CYRIB: variants seen among roughly 807,000 people sequenced by gnomAD.
The protein encoded by CYRIB is CYFIP related Rac1 interactor B, also known as CYFIP-related Rac1 interactor B.
A neutral mutation model predicts 44.2 loss-of-function variants in CYRIB; 8 were observed. The ratio of observed to expected loss-of-function variants is 0.18; its 90% CI spans 0.11 to 0.33. The LOEUF (loss-of-function observed/expected upper bound fraction) is 0.33, where lower values mean the gene tolerates loss of function less well. Among genes scored for constraint, CYRIB ranks in the 10% least tolerant of loss-of-function variants. The pLI is 1.00. For missense variants in CYRIB, 185 were observed against 382.8 expected (o/e 0.48, Z 4.31); for synonymous variants, 131 against 127.2 (o/e 1.03, Z -0.20).
intron 2 of CYRIB, among the ~76,000 whole-genome samples, chr8:129,957,319 A>G (rs1340090302): frequency 6.6e-6 from 1 of 152,204 alleles, no homozygotes; most frequent in East Asian, 1.9e-4. Flanking sequence ...TGGTTAGAAG[A>G]AGGCCACTAA....
rs2074232197 is a variant in CYRIB at position 129,904,593 on chromosome 8, A to G, written c.-49-1243T>C. 1 of 152,230 alleles carries G rather than the reference A, an allele frequency of 6.6e-6. No homozygotes were observed. Among genetic ancestry groups the G allele is most frequent in the African/African-American group, 2.4e-5 (1 of 41,452 alleles). 9.4% of individuals were successfully genotyped at this position (152,230 alleles called of 1,614,324 possible). On this transcript the variant is annotated intron_variant, in intron 1 of 11. Coordinates refer to ENST00000519824, the Ensembl canonical transcript of CYRIB. ...GGTGTGCAAATGAATTACCTGTAAG[A>G]AAGCACCCATCTCAGTTTCTGCTTT... is the stretch of plus-strand genomic sequence containing the variant.
rs1266202996 is a variant in CYRIB, at chr8:129,925,472, T to C, written c.-50+14136A>G. 5.3e-5 allele frequency among the ~76,000 whole-genome samples: 8 copies of C among 152,200 alleles called. No homozygotes were observed. In the East Asian group the frequency reaches 1.5e-3, roughly 29 times the overall value. On this transcript the variant is annotated intron_variant, in intron 1 of 11. Transcript: ENST00000519824. Reference sequence around the variant, plus strand: ...ATGCTTTCAGGGGTTCCTTGAAAGTTGGGAGCTCTCACTCCAATTCCTGTA... The same window carrying C: ...ATGCTTTCAGGGGTTCCTTGAAAGTCGGGAGCTCTCACTCCAATTCCTGTA...
upstream of CYRIB, among the ~76,000 whole-genome samples, chr8:129,942,212 G>A (rs1460613327): frequency 2.0e-5 from 3 of 152,104 alleles, no homozygotes; most frequent in African/African-American, 2.4e-5. Flanking sequence ...GGTGGCAGGC[G>A]CCTGTAATCC....
intron 1 of CYRIB, among the ~76,000 whole-genome samples, chr8:129,913,199 C>T (rs893991531): frequency 5.9e-5 from 9 of 152,080 alleles, no homozygotes; most frequent in Non-Finnish European, 1.5e-5. Flanking sequence ...TCTTGAACTT[C>T]TGACCTCATG....
chr8:129,900,265 A>G (rs1258971432), intron 2 of CYRIB, among the ~76,000 whole-genome samples: 3 of 152,200 alleles, frequency 2.0e-5, no homozygotes, highest in Non-Finnish European at 4.4e-5. Context: ...TCTTTAAAAC[A>G]TGGCATCAGG....
intron 3 of CYRIB, among the ~76,000 whole-genome samples, chr8:129,876,193 C>T (rs2059069375): frequency 6.6e-6 from 1 of 151,872 alleles, no homozygotes; most frequent in South Asian, 2.1e-4. Context: ...ATGAGCTACA[C>T]GTTGAAAATA....
At chr8:129,943,109 T>G (rs1590763713), upstream of CYRIB, among the ~76,000 whole-genome samples, 1 of 65,210 alleles carries the variant, frequency 1.5e-5, no homozygotes, top group African/African-American at 1.4e-4. Flanking sequence ...CACTGTGTCC[T>G]AGGCATCAGG....
chr8:129,851,781 C>T (rs1228969527), intron 8 of CYRIB: 1 of 154,826 alleles, frequency 6.5e-6, no homozygotes, highest in Non-Finnish European at 1.4e-5. Context: ...GCACTCCAGC[C>T]TGGGCAACAA....
intron 10 of CYRIB, among the ~76,000 whole-genome samples, chr8:129,847,635 C>T (rs565662162): frequency 2.6e-5 from 4 of 152,232 alleles, no homozygotes; most frequent in Non-Finnish European, 5.9e-5. Flanking sequence ...ATGAGTTATA[C>T]GAAGTGTTAT....
chr8:129,872,793 T>C (rs2057801010), intron 3 of CYRIB, among the ~76,000 whole-genome samples: 1 of 152,070 alleles, frequency 6.6e-6, no homozygotes, highest in South Asian at 2.1e-4. Flanking sequence ...AAGAAGGTTT[T>C]TGGTAAATCT....
At chr8:129,924,291 CGG>C (rs796090081) in intron 1 of CYRIB, among the ~76,000 whole-genome samples, 231 of 1,410 alleles carry the variant, frequency 0.16, 34 homozygotes, top group African/African-American at 0.35. Flanking sequence ...AAAAAAAAAC[CGG>C]GGGGGGGGGG....
intron 2 of CYRIB, among the ~76,000 whole-genome samples, chr8:129,899,734 G>T (rs544586246): frequency 6.6e-6 from 1 of 152,282 alleles, no homozygotes; most frequent in East Asian, 1.9e-4. Flanking sequence ...AGAAACAAGG[G>T]TTATATAATA....
chr8:129,967,677 C>A (rs1305838485), intron 2 of CYRIB, among the ~76,000 whole-genome samples: 2 of 152,174 alleles, frequency 1.3e-5, no homozygotes, highest in African/African-American at 4.8e-5. Context: ...CCGTGCCCGG[C>A]TTTCTTTCCT....
intron 1 of CYRIB, chr8:130,004,737 G>C (rs913889994): frequency 6.6e-6 from 1 of 150,890 alleles, no homozygotes; most frequent in African/African-American, 2.4e-5. Flanking sequence ...CAACCTTCAG[G>C]AACAACTCGG....
intron 1 of CYRIB, among the ~76,000 whole-genome samples, chr8:129,977,256 T>C: frequency 6.6e-6 from 1 of 152,204 alleles, no homozygotes; most frequent in East Asian, 1.9e-4. Context: ...AACAGGTATG[T>C]GGGAAGCTGG....
At chr8:129,864,185 C>T (rs2051944427) in intron 4 of CYRIB, among the ~76,000 whole-genome samples, 1 of 152,208 alleles carries the variant, frequency 6.6e-6, no homozygotes, top group East Asian at 1.9e-4. Context: ...GATGCTTAAA[C>T]CCATTAGAAG....
chr8:129,939,063 G>A (rs1305382472), intron 1 of CYRIB, among the ~76,000 whole-genome samples: 2 of 152,346 alleles, frequency 1.3e-5, no homozygotes, highest in East Asian at 3.9e-4. Flanking sequence ...GCAGGTGGAA[G>A]GCGAAGTGAT....
intron 2 of CYRIB, among the ~76,000 whole-genome samples, chr8:129,962,698 T>C (rs974063878): frequency 1.3e-5 from 2 of 152,166 alleles, no homozygotes; most frequent in Non-Finnish European, 2.9e-5. Context: ...CTGCAAAGTC[T>C]CCATCTGTTA....
At chr8:130,007,683 C>G (rs777071840) in intron 1 of CYRIB, among the ~76,000 whole-genome samples, 13 of 152,170 alleles carry the variant, frequency 8.5e-5, no homozygotes, top group Non-Finnish European at 1.8e-4. Flanking sequence ...ACTTTGGAGG[C>G]TAAGGCAGGA....
Sources: allele counts gnomAD v4.1 joint callset (sites outside exome capture counted in the v4.1 genomes callset), GRCh38; gene constraint gnomAD v4.1.1; transcripts MANE v1.5; gene names NCBI Gene and HGNC (gene_info 2026-07-23, HGNC 2026-07-21).